RALGPS1: variants seen among roughly 807,000 people sequenced by gnomAD.
The protein encoded by RALGPS1 is Ral GEF with PH domain and SH3 binding motif 1, also known as ras-specific guanine nucleotide-releasing factor RalGPS1.
A neutral mutation model predicts 78.8 loss-of-function variants in RALGPS1; 19 were observed. The ratio of observed to expected loss-of-function variants is 0.24; its 90% CI spans 0.17 to 0.35. The LOEUF (loss-of-function observed/expected upper bound fraction) is 0.35, where lower values mean the gene tolerates loss of function less well. Ranked by LOEUF, RALGPS1 falls within the 10% of genes least tolerant of loss-of-function variation. The pLI is 1.00. For synonymous variants in RALGPS1, 228 were observed against 256.3 expected, an observed-to-expected ratio of 0.89 and a Z score of 1.06; for missense variants, 454 against 688.3, an observed-to-expected ratio of 0.66 and a Z score of 3.81.
intron 5 of RALGPS1, among the ~76,000 whole-genome samples, chr9:127,039,825 G>A (rs1346053551): frequency 6.6e-6 from 1 of 152,050 alleles, no homozygotes; most frequent in Non-Finnish European, 1.5e-5. Flanking sequence ...TGGGTTTGGG[G>A]AAAGCTTGAA....
chr9:127,050,235 G>A, intron 6 of RALGPS1, 103 bp downstream of exon 6: 2 of 964,536 alleles, frequency 2.1e-6, no homozygotes, highest in Non-Finnish European at 3.2e-6. Context: ...TTTGCTGTGG[G>A]CCTGCCAGGC....
chr9:127,091,784 T>G lies in RALGPS1; in HGVS notation c.610+22428T>G. ...CCCAGCCGCAGCTTATAATACTCGC[T>G]CTCAGGTTCCAGGCGGAAACTGGCG... On this transcript the variant is annotated intron_variant, in intron 8 of 18. Coordinates refer to ENST00000259351, the MANE Select transcript of RALGPS1 (RefSeq NM_014636.3). The surrounding 1 kb of genome is among the most constrained non-coding windows in gnomAD (Gnocchi z 4.3). 6.2e-7 allele frequency: 1 copy of G among 1,614,162 alleles called. No homozygotes were observed. Among genetic ancestry groups the G allele is most frequent in the Non-Finnish European group, 8.5e-7 (1 of 1,180,026 alleles).
chr9:127,210,812 A>C, intron 14 of RALGPS1: 5 of 1,517,338 alleles, frequency 3.3e-6, no homozygotes, highest in Non-Finnish European at 4.5e-6. Flanking sequence ...TTTGTTTGAC[A>C]CATAGCTTGT....
At chr9:126,915,328 G>GGGCC (rs2034014694) in intron 1 of RALGPS1, 5 of 143,692 alleles carry the variant, frequency 3.5e-5, no homozygotes, top group Admixed American at 1.4e-4. Flanking sequence ...GGTGCGGGGG[G>GGGCC]CGGGGCCGGC....
Position 127,217,076 on chromosome 9 carries a change from A to C in RALGPS1, c.1645-1664A>C. ...AGTAAAACCCATTGTCCCTCTTTGG[A>C]GGAGCGGCCAGAGGATGACAGCAGC... is the stretch of plus-strand genomic sequence containing the variant. On this transcript the variant is annotated intron_variant, in intron 18 of 18. Transcript: ENST00000259351. 9.3e-6 allele frequency: 13 copies of C among 1,400,854 alleles called. No homozygotes were observed. The South Asian group carries it at 1.8e-4, about 20-fold the overall frequency. The allele number at this position is 1,400,854 out of a possible 1,614,324, so 86.8% of individuals were successfully genotyped here.
At chr9:126,947,079 A>G (rs1047733655) in intron 1 of RALGPS1, among the ~76,000 whole-genome samples, 15 of 152,190 alleles carry the variant, frequency 9.9e-5, no homozygotes, top group Admixed American at 2.6e-4. Flanking sequence ...AGAGAAATGC[A>G]TATTCCTCAT....
intron 8 of RALGPS1, among the ~76,000 whole-genome samples, chr9:127,145,547 T>G (rs2058048748): frequency 6.6e-6 from 1 of 152,346 alleles, no homozygotes; most frequent in South Asian, 2.1e-4. Context: ...GATGCCTTCT[T>G]TCCCAGGGTT....
chr9:127,098,678 C>G (rs865905891), intron 8 of RALGPS1, among the ~76,000 whole-genome samples: 3 of 152,170 alleles, frequency 2.0e-5, no homozygotes, highest in Admixed American at 6.5e-5. Context: ...TTCCTCCTCT[C>G]TGGGGTTCTT....
intron 8 of RALGPS1, among the ~76,000 whole-genome samples, chr9:127,132,411 T>C (rs1345295498): frequency 6.6e-6 from 1 of 152,210 alleles, no homozygotes; most frequent in East Asian, 1.9e-4. Flanking sequence ...ACAAAACACC[T>C]GAAGCATGGC....
chr9:126,924,282 A>C (rs581444), intron 1 of RALGPS1, among the ~76,000 whole-genome samples: 30,685 of 152,242 alleles, frequency 0.2, 3,837 homozygotes, highest in East Asian at 0.44. Flanking sequence ...GTGACTGTAT[A>C]GGAAAAGGAT....
chr9:127,185,322 T>C (rs1350708710), intron 11 of RALGPS1, among the ~76,000 whole-genome samples: 1 of 152,234 alleles, frequency 6.6e-6, no homozygotes, highest in Non-Finnish European at 1.5e-5. Context: ...AACCCGAGTC[T>C]GTGCACATGC....
chr9:127,076,990 A>G (rs2050737177), intron 8 of RALGPS1, among the ~76,000 whole-genome samples: 1 of 152,226 alleles, frequency 6.6e-6, no homozygotes, highest in African/African-American at 2.4e-5. Flanking sequence ...GCCGGAGAGT[A>G]GTGAATGAGG....
intron 1 of RALGPS1, among the ~76,000 whole-genome samples, chr9:126,945,045 C>T (rs2037127007): frequency 6.6e-6 from 1 of 152,204 alleles, no homozygotes; most frequent in Non-Finnish European, 1.5e-5. Flanking sequence ...CATGAGTCTT[C>T]CTGTCCACAG....
chr9:127,083,132 A>G (rs756035900), intron 8 of RALGPS1, among the ~76,000 whole-genome samples: 13 of 152,300 alleles, frequency 8.5e-5, no homozygotes, highest in Non-Finnish European at 1.6e-4. Flanking sequence ...TCTGGAGTGT[A>G]GTCTAGACAC....
rs376516923 is a variant in RALGPS1, at chr9:127,026,686, T to G, written c.217-7745T>G. On this transcript the variant is annotated intron_variant, in intron 4 of 18. Coordinates refer to ENST00000259351, the MANE Select transcript of RALGPS1 (RefSeq NM_014636.3). ...TTGGTTTTCCTTCCGTTCTGTTGGC[T>G]TCACTCATATGCCTGGTGGCTTGTA... Among the ~76,000 whole-genome samples the G allele has an allele frequency of 2.2e-4, 33 of 152,354 alleles. No homozygotes were observed. The East Asian group carries it at 3.9e-3, about 18-fold the overall frequency.
At position 127,211,544 on chromosome 9, in the gene RALGPS1, G is replaced by A. The variant is rs1214058683; in HGVS notation, c.1248-587G>A. On this transcript the variant is annotated intron_variant, in intron 14 of 18. Coordinates refer to ENST00000259351, the MANE Select transcript of RALGPS1 (RefSeq NM_014636.3). This position sits in a 1 kb window ranked among gnomAD's most constrained non-coding sequence, Gnocchi z 5.0. ...CCATTCCTGAGGCACCGGCAGATCC[G>A]GAGCTCAGGAGGGAGGTGTGGGCTG... is the stretch of plus-strand genomic sequence containing the variant. Among the ~76,000 whole-genome samples the A allele has an allele frequency of 2.6e-5, 4 of 152,166 alleles. No homozygotes were observed. Among genetic ancestry groups the A allele is most frequent in the African/African-American group, 2.4e-5 (1 of 41,424 alleles).
chr9:127,110,950 T>G (rs1275366434), intron 8 of RALGPS1, among the ~76,000 whole-genome samples: 1 of 151,850 alleles, frequency 6.6e-6, no homozygotes, highest in Non-Finnish European at 1.5e-5. Context: ...ACAGCCAGAG[T>G]GGTCCTTTTT....
intron 1 of RALGPS1, among the ~76,000 whole-genome samples, chr9:126,958,142 A>AAAAAAAAAAAAAAAAAT (rs113413659): frequency 2.6e-5 from 2 of 77,076 alleles, no homozygotes; most frequent in East Asian, 4.0e-4. Flanking sequence ...AAAAAAAAAA[A>AAAAAAAAAAAAAAAAAT]ATATATATAT....
chr9:127,141,944 A>G (rs1315276145), intron 8 of RALGPS1, among the ~76,000 whole-genome samples: 1 of 152,222 alleles, frequency 6.6e-6, no homozygotes. Flanking sequence ...TATGTTTTCA[A>G]TAATCATGTT....
Sources: allele counts gnomAD v4.1 joint callset (sites outside exome capture counted in the v4.1 genomes callset), GRCh38; gene constraint gnomAD v4.1.1; non-coding constraint Gnocchi (gnomAD v3.1); transcripts MANE v1.5; gene names NCBI Gene and HGNC (gene_info 2026-07-23, HGNC 2026-07-21).